Variants in ANKRD10 observed in about 807,000 individuals in gnomAD.
ANKRD10 encodes the protein ankyrin repeat domain-containing protein 10.
ANKRD10 carries 14 observed loss-of-function variants against 27.0 expected under a neutral mutation model. The observed-to-expected ratio is 0.52, with a 90% CI of 0.34 to 0.81. The LOEUF (loss-of-function observed/expected upper bound fraction) is 0.81, where lower values mean the gene tolerates loss of function less well. ANKRD10 is among the 40% of genes least tolerant of loss of function. ANKRD10 has a pLI of 0.01. For synonymous variants in ANKRD10, 250 were observed against 224.5 expected (o/e 1.11, Z -1.01); for missense variants, 493 against 544.0 (o/e 0.91, Z 0.93).
rs71127979 is a variant in ANKRD10 at position 110,892,416 on chromosome 13, C to CAAAAAAAAAAAAAA, written c.691+598_691+611dup. On this transcript the variant is annotated intron_variant, in intron 4 of 5. Coordinates refer to ENST00000267339, the MANE Select transcript of ANKRD10 (RefSeq NM_017664.4). ...TTGCACTCCAGCCTGGGTGACAGAGCAAAAAAAAAAAAAAAAAAAATGGTG... is the reference window on the plus strand; with the variant it reads ...TTGCACTCCAGCCTGGGTGACAGAGCAAAAAAAAAAAAAAAAAAAAAAAAAAAAAAAAAATGGTG... Among the ~76,000 whole-genome samples the CAAAAAAAAAAAAAA allele has an allele frequency of 2.1e-3, 41 of 19,542 alleles. 12 individuals are homozygous for CAAAAAAAAAAAAAA. Among genetic ancestry groups the CAAAAAAAAAAAAAA allele is most frequent in the Non-Finnish European group, 2.4e-3 (32 of 13,260 alleles). The allele number at this position is 19,542 out of a possible 152,430, so 12.8% of individuals were successfully genotyped here.
chr13:110,909,069 T>C (rs1429864409), intron 2 of ANKRD10, among the ~76,000 whole-genome samples: 2 of 152,148 alleles, frequency 1.3e-5, no homozygotes, highest in African/African-American at 4.8e-5. Flanking sequence ...ACTCCCTTTA[T>C]CTACTGAAAA....
chr13:110,901,650 C>G (rs1270208695), intron 3 of ANKRD10, among the ~76,000 whole-genome samples: 2 of 152,184 alleles, frequency 1.3e-5, no homozygotes, highest in African/African-American at 2.4e-5. Context: ...TTCTAGCAGG[C>G]AGAACTTAAT....
chr13:110,907,729 C>T (rs1566491487), intron 2 of ANKRD10, among the ~76,000 whole-genome samples: 2 of 151,932 alleles, frequency 1.3e-5, no homozygotes, highest in Admixed American at 6.6e-5. Context: ...TTTTAAAAAG[C>T]GAAAACCTAG....
At chr13:110,894,403 CAAAAAAAAA>C (rs5806877) in intron 3 of ANKRD10, 4 of 62,720 alleles carry the variant, frequency 6.4e-5, no homozygotes, top group South Asian at 9.4e-4. Flanking sequence ...ACTGTTAATG[CAAAAAAAAA>C]AAAAAAAAAA....
chr13:110,910,644 G>T lies in ANKRD10; in HGVS notation c.337C>A (p.Gln113Lys). 2.5e-6 allele frequency: 4 copies of T among 1,614,130 alleles called. No homozygotes were observed. The highest frequency in any genetic ancestry group is 3.4e-6 in the Non-Finnish European group (4 of 1,180,034). The change falls in exon 2 of 6, where the codon CAA becomes AAA. Residue 113 changes from glutamine to lysine, a missense_variant. Coordinates refer to ENST00000267339, the MANE Select transcript of ANKRD10 (RefSeq NM_017664.4). ...GHPQCLVWLI[Q>K]AGANINKPDC... ...GGTTTGTTAATGTTGGCTCCTGCTT[G>T]AATCAGCCAGACCAGGCACTGAGGA...
intron 5 of ANKRD10, among the ~76,000 whole-genome samples, chr13:110,881,916 C>A (rs546092173): frequency 6.6e-6 from 1 of 152,146 alleles, no homozygotes; most frequent in Non-Finnish European, 1.5e-5. Context: ...AGGCAGAGCA[C>A]GCACATCACG....
At chr13:110,887,490 T>A (rs1452635001) in intron 4 of ANKRD10, among the ~76,000 whole-genome samples, 2 of 152,148 alleles carry the variant, frequency 1.3e-5, no homozygotes, top group African/African-American at 4.8e-5. Context: ...TGCAGATACA[T>A]GTAAGGCTTA....
intron 3 of ANKRD10, among the ~76,000 whole-genome samples, chr13:110,905,391 A>G (rs754138054): frequency 2.0e-5 from 3 of 152,242 alleles, no homozygotes; most frequent in Non-Finnish European, 4.4e-5. Context: ...GTCCTATCAA[A>G]GCATAAATAA....
At chr13:110,908,012 G>T (rs1274292297) in intron 2 of ANKRD10, among the ~76,000 whole-genome samples, 1 of 152,172 alleles carries the variant, frequency 6.6e-6, no homozygotes, top group African/African-American at 2.4e-5. Flanking sequence ...TAGGGGCAGA[G>T]CAAACACTAG....
chr13:110,889,391 G>C (rs529355497), intron 4 of ANKRD10, among the ~76,000 whole-genome samples: 65 of 152,302 alleles, frequency 4.3e-4, no homozygotes, highest in African/African-American at 1.5e-3. Context: ...AGTAACTGTG[G>C]ATTTTATTTC....
chr13:110,890,411 G>A (rs1439508990), intron 4 of ANKRD10, among the ~76,000 whole-genome samples: 1 of 152,150 alleles, frequency 6.6e-6, no homozygotes, highest in Non-Finnish European at 1.5e-5. Context: ...GGGAGTGCAG[G>A]TGAGCTAAAG....
chr13:110,914,412 A>G lies in ANKRD10; in HGVS notation c.210+313T>C, dbSNP rs375493693. On this transcript the variant is annotated intron_variant, in intron 1 of 5. Transcript: ENST00000267339. ...CGCGCTCGCACAGGATCCGGCCAAC[A>G]GGCGCCGGGACCCTTGGAGCCCGCC... The G allele has an allele frequency of 2.9e-4, 62 of 213,472 alleles. No homozygotes were observed. In the East Asian group the frequency reaches 5.3e-3, roughly 18 times the overall value. The allele number at this position is 213,472 out of a possible 1,614,324, so 13.2% of individuals were successfully genotyped here. A position where few individuals can be genotyped will look rare whatever the true frequency, so the allele number is the denominator to read the frequency against.
At chr13:110,907,022 G>C (rs1395390467) in intron 2 of ANKRD10, among the ~76,000 whole-genome samples, 1 of 152,158 alleles carries the variant, frequency 6.6e-6, no homozygotes, top group Non-Finnish European at 1.5e-5. Context: ...AGAGAAGAAA[G>C]TGCTTTCCGG....
At chr13:110,896,957 A>G (rs1046874196) in intron 3 of ANKRD10, among the ~76,000 whole-genome samples, 11 of 145,558 alleles carry the variant, frequency 7.6e-5, no homozygotes, top group Non-Finnish European at 1.6e-4. Flanking sequence ...TATGGGGTAC[A>G]TTGTAAATTC....
At chr13:110,898,441 G>A (rs886983669) in intron 3 of ANKRD10, among the ~76,000 whole-genome samples, 1 of 152,154 alleles carries the variant, frequency 6.6e-6, no homozygotes, top group Admixed American at 6.5e-5. Context: ...TAGGAGTTGA[G>A]CACGTAAATG....
At chr13:110,904,742 T>C (rs1484550996) in intron 3 of ANKRD10, among the ~76,000 whole-genome samples, 3 of 152,252 alleles carry the variant, frequency 2.0e-5, no homozygotes, top group Admixed American at 6.5e-5. Flanking sequence ...GTTTCTACAT[T>C]ACCTTTAGTC....
chr13:110,880,895 A>G (rs1324501317), intron 5 of ANKRD10, among the ~76,000 whole-genome samples: 1 of 152,202 alleles, frequency 6.6e-6, no homozygotes, highest in Non-Finnish European at 1.5e-5. Flanking sequence ...TTCTCAGTCC[A>G]GCAATTAAAA....
chr13:110,904,665 T>C (rs748172886), intron 3 of ANKRD10, among the ~76,000 whole-genome samples: 1 of 152,212 alleles, frequency 6.6e-6, no homozygotes, highest in Admixed American at 6.5e-5. Context: ...ACAAATAACT[T>C]TGCTTTAAAG....
chr13:110,909,869 C>T (rs1410164295), intron 2 of ANKRD10, among the ~76,000 whole-genome samples: 1 of 152,112 alleles, frequency 6.6e-6, no homozygotes, highest in Non-Finnish European at 1.5e-5. Context: ...GTAAAAAAGG[C>T]ATAAAAACCA....
Sources: gnomAD v4.1 joint callset for allele counts (sites outside exome capture counted in the v4.1 genomes callset) on GRCh38, gnomAD v4.1.1 for gene constraint, MANE v1.5 for transcripts, NCBI Gene and HGNC (gene_info 2026-07-23, HGNC 2026-07-21) for gene names.